The following KCTD16 variants were observed in gnomAD, a reference collection of about 807,000 sequenced individuals.
KCTD16 encodes potassium channel tetramerization domain containing 16.
KCTD16 carries 13 observed loss-of-function variants against 33.2 expected under a neutral mutation model. The ratio of observed to expected loss-of-function variants is 0.39; its 90% CI spans 0.25 to 0.62. KCTD16 has a LOEUF of 0.62. Among genes scored for constraint, KCTD16 ranks in the 20% least tolerant of loss-of-function variants. The pLI is 0.50. For synonymous variants in KCTD16, 197 were observed against 195.3 expected (o/e 1.01, Z -0.07); for missense variants, 441 against 525.1 (o/e 0.84, Z 1.57).
At chr5:144,220,950 A>G (rs1317127068) in intron 3 of KCTD16, among the ~76,000 whole-genome samples, 2 of 151,928 alleles carry the variant, frequency 1.3e-5, no homozygotes, top group Non-Finnish European at 2.9e-5. Flanking sequence ...CAAAAAAAAA[A>G]AAGAAGAAGA....
intron 3 of KCTD16, among the ~76,000 whole-genome samples, chr5:144,286,750 C>G (rs1410178932): frequency 6.6e-6 from 1 of 152,148 alleles, no homozygotes; most frequent in Non-Finnish European, 1.5e-5. Flanking sequence ...AAAGTCCTTT[C>G]ATATATATCG....
At chr5:144,353,209 A>G (rs187365) in intron 3 of KCTD16, among the ~76,000 whole-genome samples, 34,962 of 151,992 alleles carry the variant, frequency 0.23, 4,221 homozygotes, top group Non-Finnish European at 0.27. Flanking sequence ...CCTTTTGAGA[A>G]ATCTTACAAT....
intron 3 of KCTD16, among the ~76,000 whole-genome samples, chr5:144,417,572 T>G (rs1290261495): frequency 6.6e-6 from 1 of 152,202 alleles, no homozygotes; most frequent in Non-Finnish European, 1.5e-5. Flanking sequence ...TCATTTCATT[T>G]TTTGACAATT....
intron 3 of KCTD16, among the ~76,000 whole-genome samples, chr5:144,234,980 T>C (rs762903519): frequency 2.6e-5 from 4 of 152,002 alleles, no homozygotes; most frequent in Non-Finnish European, 5.9e-5. Flanking sequence ...TAACTCTGTC[T>C]CTTCTAGATG....
chr5:144,465,202 T>TCG (rs1186014113), intron 3 of KCTD16, among the ~76,000 whole-genome samples: 1 of 123,058 alleles, frequency 8.1e-6, no homozygotes, highest in Non-Finnish European at 1.6e-5. Context: ...TCTCTCTCAC[T>TCG]CTCTCTCTCT....
At chr5:144,293,704 C>A (rs1755958080) in intron 3 of KCTD16, among the ~76,000 whole-genome samples, 1 of 152,142 alleles carries the variant, frequency 6.6e-6, no homozygotes, top group Non-Finnish European at 1.5e-5. Flanking sequence ...GAACTAACCA[C>A]AAAAGCATAG....
At chr5:144,377,160 T>A (rs1005227839) in intron 3 of KCTD16, among the ~76,000 whole-genome samples, 6 of 152,222 alleles carry the variant, frequency 3.9e-5, no homozygotes, top group African/African-American at 1.4e-4. Context: ...CCCTTCTCTG[T>A]TCAAGGAGAA....
intron 3 of KCTD16, among the ~76,000 whole-genome samples, chr5:144,417,767 T>TG (rs927713003): frequency 7.2e-5 from 11 of 152,188 alleles, no homozygotes; most frequent in African/African-American, 1.9e-4. Context: ...GAGTTTTTTT[T>TG]GGGTCTATGT....
chr5:144,232,902 A>G (rs1754145629), intron 3 of KCTD16, among the ~76,000 whole-genome samples: 1 of 152,166 alleles, frequency 6.6e-6, no homozygotes, highest in Non-Finnish European at 1.5e-5. Context: ...CACACCTACC[A>G]TATTTCAAGT....
chr5:144,411,528 A>T (rs949639068), intron 3 of KCTD16, among the ~76,000 whole-genome samples: 1 of 152,174 alleles, frequency 6.6e-6, no homozygotes, highest in African/African-American at 2.4e-5. Context: ...GATTAAAAAA[A>T]TTAACTCAAA....
chr5:144,427,625 A>G (rs1282540725), intron 3 of KCTD16, among the ~76,000 whole-genome samples: 5 of 152,110 alleles, frequency 3.3e-5, no homozygotes, highest in Non-Finnish European at 5.9e-5. Context: ...CAAGTCACCT[A>G]TGGCATTTTA....
intron 3 of KCTD16, among the ~76,000 whole-genome samples, chr5:144,296,086 C>G (rs527534818): frequency 1.3e-5 from 2 of 152,290 alleles, no homozygotes; most frequent in South Asian, 4.1e-4. Flanking sequence ...CCTGGTACTT[C>G]AGAGTCTCTG....
chr5:144,331,928 C>T (rs1329887492), intron 3 of KCTD16, among the ~76,000 whole-genome samples: 1 of 152,140 alleles, frequency 6.6e-6, no homozygotes, highest in Non-Finnish European at 1.5e-5. Flanking sequence ...AATAATAATT[C>T]TTAAACTCAG....
chr5:144,344,429 G>A (rs1356223195), intron 3 of KCTD16, among the ~76,000 whole-genome samples: 8 of 146,992 alleles, frequency 5.4e-5, no homozygotes, highest in Non-Finnish European at 1.0e-4. Context: ...CCTACAAAAT[G>A]GGAGAAAATT....
chr5:144,218,921 A>G (rs1231683025), intron 3 of KCTD16, among the ~76,000 whole-genome samples: 3 of 152,222 alleles, frequency 2.0e-5, no homozygotes, highest in African/African-American at 7.2e-5. Flanking sequence ...TTTACTTTCT[A>G]ATCACTTTTA....
chr5:144,244,004 A>G (rs940215572), intron 3 of KCTD16, among the ~76,000 whole-genome samples: 3 of 151,992 alleles, frequency 2.0e-5, no homozygotes, highest in African/African-American at 7.2e-5. Flanking sequence ...CGGCCTCCCA[A>G]AGTGCTAGGA....
chr5:144,323,792 T>A lies in KCTD16; in HGVS notation c.832+116246T>A, dbSNP rs544872983. Among the ~76,000 whole-genome samples the A allele has an allele frequency of 7.0e-4, 106 of 152,246 alleles. 1 individual carries two copies. Among genetic ancestry groups the A allele is most frequent in the African/African-American group, 2.2e-3 (92 of 41,532 alleles). ...ATACTATCAATTTAGTGTACCAGTG[T>A]AGTAAAAAGCATGGACTTGGGCATT... On this transcript the variant is annotated intron_variant, in intron 3 of 3. Transcript: ENST00000512467.
At chr5:144,312,354 G>T (rs1460312185) in intron 3 of KCTD16, among the ~76,000 whole-genome samples, 1 of 152,034 alleles carries the variant, frequency 6.6e-6, no homozygotes, top group Admixed American at 6.6e-5. Context: ...ATATACAGTT[G>T]GAGGAAAAAT....
At chr5:144,349,605 C>T (rs1020505777) in intron 3 of KCTD16, among the ~76,000 whole-genome samples, 1 of 152,176 alleles carries the variant, frequency 6.6e-6, no homozygotes, top group Non-Finnish European at 1.5e-5. Flanking sequence ...GAATCCTATA[C>T]CTACCTCCAG....
Sources: gnomAD v4.1 joint callset for allele counts (sites outside exome capture counted in the v4.1 genomes callset) on GRCh38, gnomAD v4.1.1 for gene constraint, MANE v1.5 for transcripts, NCBI Gene and HGNC (gene_info 2026-07-23, HGNC 2026-07-21) for gene names.